Variants in CSMD2 observed in about 807,000 individuals in gnomAD.
The protein encoded by CSMD2 is CUB and Sushi multiple domains 2.
Under a neutral mutation model 398.5 loss-of-function variants are expected in CSMD2, and 130 were observed. The ratio of observed to expected loss-of-function variants is 0.33; its 90% CI spans 0.28 to 0.38. The LOEUF (loss-of-function observed/expected upper bound fraction) is 0.38, where lower values mean the gene tolerates loss of function less well. Ranked by LOEUF, CSMD2 falls within the 10% of genes least tolerant of loss-of-function variation. The pLI is 1.00. For synonymous variants in CSMD2, 1,828 were observed against 1,908.5 expected, an observed-to-expected ratio of 0.96 and a Z score of 1.10; for missense variants, 3,829 against 4,764.9, an observed-to-expected ratio of 0.80 and a Z score of 5.78.
chr1:33,790,098 G>T (rs1326814367), intron 11 of CSMD2, among the ~76,000 whole-genome samples: 1 of 152,200 alleles, frequency 6.6e-6, no homozygotes, highest in East Asian at 1.9e-4. Context: ...TGGGATCCTA[G>T]TCTCTTGGGC....
At chr1:33,826,561 C>G (rs1658847115) in intron 6 of CSMD2, among the ~76,000 whole-genome samples, 1 of 152,302 alleles carries the variant, frequency 6.6e-6, no homozygotes, top group East Asian at 1.9e-4. Context: ...TCCTGGAGGT[C>G]ACTGGGAGAT....
rs1659530219 is a variant in CSMD2, at chr1:33,570,850, G to C, written c.7957+682C>G. 2.0e-5 allele frequency among the ~76,000 whole-genome samples: 3 copies of C among 152,254 alleles called. No homozygotes were observed. In the South Asian group the frequency reaches 6.2e-4, roughly 32 times the overall value. On this transcript the variant is annotated intron_variant, in intron 51 of 70. Coordinates refer to ENST00000373381, the MANE Select transcript of CSMD2 (RefSeq NM_001281956.2). ...TGACAATTCTGAAGGGCCATCCAGAGCTCCCTGGGGGGTGAGCTAAGGCTT... is the reference window on the plus strand; with the variant it reads ...TGACAATTCTGAAGGGCCATCCAGACCTCCCTGGGGGGTGAGCTAAGGCTT...
At chr1:33,658,465 A>T (rs957425601) in intron 26 of CSMD2, among the ~76,000 whole-genome samples, 11 of 152,260 alleles carry the variant, frequency 7.2e-5, no homozygotes, top group Non-Finnish European at 1.6e-4. Flanking sequence ...ATAGAATTGA[A>T]TTCAGCTTAA....
intron 55 of CSMD2, among the ~76,000 whole-genome samples, chr1:33,552,586 C>G (rs1657561058): frequency 6.6e-6 from 1 of 152,072 alleles, no homozygotes; most frequent in African/African-American, 2.4e-5. Context: ...ATATTCATAC[C>G]ATGAAATAGT....
intron 66 of CSMD2, 129 bp downstream of exon 66, chr1:33,524,753 C>T: frequency 1.2e-6 from 1 of 864,316 alleles, no homozygotes; most frequent in Non-Finnish European, 1.7e-6. Context: ...ATAGACACTT[C>T]CTCTTCCCTG....
intron 1 of CSMD2, among the ~76,000 whole-genome samples, chr1:34,125,507 CTG>C (rs35436778): frequency 0.12 from 17,312 of 140,752 alleles, 1,058 homozygotes; most frequent in Non-Finnish European, 0.13. Flanking sequence ...TCAACCTTGG[CTG>C]TGTGTGTGTG....
At position 33,533,458 on chromosome 1, in the gene CSMD2, G is replaced by GT. The variant is rs2148565145; in HGVS notation, c.9992-230_9992-229insA. On this transcript the variant is annotated intron_variant, in intron 63 of 70. Coordinates refer to ENST00000373381, the MANE Select transcript of CSMD2 (RefSeq NM_001281956.2). This position sits in a 1 kb window ranked among gnomAD's most constrained non-coding sequence, Gnocchi z 4.2. ...CGGCTTGGTTGACTCTGAGTTGGGG[G>GT]AACTTAAGCCTGCAGCACTTCCTGA... Among the ~76,000 whole-genome samples the GT allele has an allele frequency of 6.6e-6, 1 of 152,300 alleles. No homozygotes were observed. The highest frequency in any genetic ancestry group is 2.1e-4 in the South Asian group (1 of 4,824).
chr1:33,786,263 A>G (rs1465180318), intron 12 of CSMD2, among the ~76,000 whole-genome samples: 1 of 152,206 alleles, frequency 6.6e-6, no homozygotes, highest in African/African-American at 2.4e-5. Context: ...AAATATGGAC[A>G]GATTAAGGGC....
Position 33,652,293 on chromosome 1 carries a change from T to C in CSMD2, c.4586+30A>G, listed in dbSNP as rs1278779455. Reference sequence around the variant, plus strand: ...AGAGCCCCTAGCCACTCTGAACCCTTCGTCTCCCACCCGGGGGAAAGGTAC... The same window carrying C: ...AGAGCCCCTAGCCACTCTGAACCCTCCGTCTCCCACCCGGGGGAAAGGTAC... On this transcript the variant is annotated intron_variant, in intron 28 of 70. Transcript: ENST00000373381. The C allele has an allele frequency of 1.9e-6, 3 of 1,611,838 alleles. No individual in the cohort carries two copies. The Admixed American group carries it at 5.0e-5, about 27-fold the overall frequency.
chr1:34,022,159 T>C (rs565370079), intron 3 of CSMD2, among the ~76,000 whole-genome samples: 2 of 152,330 alleles, frequency 1.3e-5, no homozygotes, highest in South Asian at 2.1e-4. Flanking sequence ...GCACCTACTA[T>C]GTGTCTGACC....
At chr1:34,064,950 G>C (rs955987126) in intron 2 of CSMD2, among the ~76,000 whole-genome samples, 1 of 152,144 alleles carries the variant, frequency 6.6e-6, no homozygotes, top group Non-Finnish European at 1.5e-5. Flanking sequence ...ATCAGATCTC[G>C]TGAGACTTAT....
intron 1 of CSMD2, among the ~76,000 whole-genome samples, chr1:34,130,295 T>C (rs992811254): frequency 3.4e-5 from 5 of 145,108 alleles, no homozygotes; most frequent in African/African-American, 1.3e-4. Flanking sequence ...GTGCCATCCC[T>C]GAGCAGGTAT....
At chr1:33,928,818 T>G (rs556764891) in intron 4 of CSMD2, among the ~76,000 whole-genome samples, 3 of 152,286 alleles carry the variant, frequency 2.0e-5, no homozygotes, top group Admixed American at 2.0e-4. Context: ...CCCGGCATAG[T>G]GTTTAGTGCC....
In CSMD2 at chr1:33,571,557, G is replaced by C. The variant is rs754800601; in HGVS notation, c.7932C>G (p.Leu2644=). Residue 2644 remains leucine, a synonymous_variant, in exon 51 of 71, where the codon CTC becomes CTG. Transcript: ENST00000373381. ...TTCGGCAGGTGGGCGTAGAGTCCCC[G>C]AGGCTCCATTTGCCATTGGCCTGAC... The part of the protein sequence containing the change: ...IRCQANGKWS[L]GDSTPTCRII... 3 of 1,520,242 alleles carry C rather than the reference G, an allele frequency of 2.0e-6. No homozygotes were observed. Among genetic ancestry groups the C allele is most frequent in the South Asian group, 1.3e-5 (1 of 75,982 alleles). 94.2% of individuals were successfully genotyped at this position (1,520,242 alleles called of 1,614,324 possible). A position where few individuals can be genotyped will look rare whatever the true frequency, so the allele number is the denominator to read the frequency against.
At chr1:33,834,009 C>A (rs1429151377) in intron 6 of CSMD2, among the ~76,000 whole-genome samples, 16 of 148,144 alleles carry the variant, frequency 1.1e-4, no homozygotes, top group East Asian at 2.0e-4. Flanking sequence ...GAGGATACAA[C>A]CAAATGGAAG....
At chr1:33,662,841 C>A (rs373125816) in intron 26 of CSMD2, 49 bp downstream of exon 26, 5 of 1,538,402 alleles carry the variant, frequency 3.3e-6, no homozygotes, top group South Asian at 1.1e-5. Flanking sequence ...AAGGTGGGTG[C>A]CATGTGTCAG....
At chr1:34,007,384 G>T (rs1647093417) in intron 3 of CSMD2, among the ~76,000 whole-genome samples, 2 of 152,280 alleles carry the variant, frequency 1.3e-5, no homozygotes, top group South Asian at 4.1e-4. Flanking sequence ...GTTGGGATAT[G>T]GGCAATCCCT....
At chr1:33,606,114 G>A in intron 41 of CSMD2, 3 of 1,388,974 alleles carry the variant, frequency 2.2e-6, no homozygotes, top group East Asian at 2.6e-5. Context: ...TGACTCCACA[G>A]GAGATGCCTC....
intron 1 of CSMD2, among the ~76,000 whole-genome samples, chr1:34,122,895 C>A (rs1662337507): frequency 6.6e-6 from 1 of 152,180 alleles, no homozygotes; most frequent in African/African-American, 2.4e-5. Flanking sequence ...GGGCAAGACA[C>A]CCTGTCATAT....
Sources: gnomAD v4.1 joint callset for allele counts (sites outside exome capture counted in the v4.1 genomes callset) on GRCh38, gnomAD v4.1.1 for gene constraint, Gnocchi (gnomAD v3.1) non-coding constraint, MANE v1.5 for transcripts, NCBI Gene and HGNC (gene_info 2026-07-23, HGNC 2026-07-21) for gene names.